Variants in ABLIM1 observed in about 807,000 individuals in gnomAD.
The protein encoded by ABLIM1 is actin-binding LIM protein 1.
In ABLIM1, 40 loss-of-function variants were observed where a neutral mutation model predicts 107.0. The ratio of observed to expected loss-of-function variants is 0.37; its 90% CI spans 0.29 to 0.49. The LOEUF (loss-of-function observed/expected upper bound fraction) is 0.49, where lower values mean the gene tolerates loss of function less well. Among genes scored for constraint, ABLIM1 ranks in the 20% least tolerant of loss-of-function variants. The pLI, the probability that ABLIM1 is intolerant of heterozygous loss-of-function variation, is 0.97. For missense variants in ABLIM1, 857 were observed against 1,008.5 expected (o/e 0.85, Z 2.04); for synonymous variants, 357 against 357.3 (o/e 1.00, Z 0.01).
intron 1 of ABLIM1, among the ~76,000 whole-genome samples, chr10:114,737,562 T>C (rs1446099820): frequency 6.6e-6 from 1 of 152,152 alleles, no homozygotes; most frequent in Non-Finnish European, 1.5e-5. Context: ...TGCCAAGTTC[T>C]TACCCCAACT....
At chr10:114,496,920 T>A (rs2059741670) in intron 6 of ABLIM1, among the ~76,000 whole-genome samples, 1 of 152,128 alleles carries the variant, frequency 6.6e-6, no homozygotes, top group Admixed American at 6.5e-5. Flanking sequence ...GTTTCATTTC[T>A]CCTTACATAG....
intron 2 of ABLIM1, among the ~76,000 whole-genome samples, chr10:114,590,557 G>T (rs1317832339): frequency 6.6e-6 from 1 of 152,166 alleles, no homozygotes; most frequent in Non-Finnish European, 1.5e-5. Flanking sequence ...TCTCACTAAA[G>T]GTTCTGCTAC....
intron 6 of ABLIM1, among the ~76,000 whole-genome samples, chr10:114,518,654 T>C (rs562349459): frequency 1.3e-5 from 2 of 151,894 alleles, no homozygotes; most frequent in Non-Finnish European, 2.9e-5. Context: ...TTCATTTACA[T>C]AGTCTCTAGG....
At chr10:114,604,291 T>A (rs942869399) in intron 1 of ABLIM1, among the ~76,000 whole-genome samples, 8 of 152,254 alleles carry the variant, frequency 5.3e-5, no homozygotes, top group Non-Finnish European at 1.2e-4. Context: ...CCATGCTGTT[T>A]GTATAAATCA....
At chr10:114,643,308 T>A (rs1360797189) in intron 1 of ABLIM1, among the ~76,000 whole-genome samples, 1 of 152,180 alleles carries the variant, frequency 6.6e-6, no homozygotes, top group Admixed American at 6.5e-5. Flanking sequence ...GTGCTGTTGT[T>A]CTCGTGTACA....
At chr10:114,463,498 C>T (rs1367731444) in intron 12 of ABLIM1, among the ~76,000 whole-genome samples, 1 of 151,896 alleles carries the variant, frequency 6.6e-6, no homozygotes, top group Non-Finnish European at 1.5e-5. Context: ...TTTTAAAAAG[C>T]ACCTGACACA....
chr10:114,568,789 T>C (rs757923956), intron 4 of ABLIM1, among the ~76,000 whole-genome samples: 5 of 152,232 alleles, frequency 3.3e-5, no homozygotes, highest in Non-Finnish European at 7.3e-5. Flanking sequence ...AATTTGCACA[T>C]AAGCAATGAT....
the ABLIM1 span, among the ~76,000 whole-genome samples, chr10:114,787,336 C>G: frequency 3.3e-5 from 5 of 151,628 alleles, no homozygotes; most frequent in Admixed American, 6.5e-5. Context: ...CCCCTCCGCC[C>G]GGCAGCCACC....
chr10:114,661,936 A>G (rs2079812231), upstream of ABLIM1, among the ~76,000 whole-genome samples: 1 of 152,196 alleles, frequency 6.6e-6, no homozygotes, highest in Non-Finnish European at 1.5e-5. Context: ...TTGGGGCTAC[A>G]CAGTGCTCGG....
chr10:114,598,985 C>T (rs2075728110), intron 2 of ABLIM1, among the ~76,000 whole-genome samples: 1 of 152,126 alleles, frequency 6.6e-6, no homozygotes, highest in Non-Finnish European at 1.5e-5. Context: ...GCAGTGATGA[C>T]AGTGCTGCTC....
chr10:114,632,910 C>G (rs2140776352), intron 1 of ABLIM1: 2 of 474,834 alleles, frequency 4.2e-6, no homozygotes, highest in Middle Eastern at 1.1e-3. Context: ...CTTTTGATTT[C>G]TGACCCACAG....
chr10:114,792,063 G>A, the ABLIM1 span, among the ~76,000 whole-genome samples: 13 of 152,224 alleles, frequency 8.5e-5, no homozygotes, highest in African/African-American at 2.7e-4. Context: ...GCTCACACCT[G>A]TAATCCCAAC....
chr10:114,517,766 A>G (rs2497707), intron 6 of ABLIM1, among the ~76,000 whole-genome samples: 144,806 of 152,152 alleles, frequency 0.95, 68,978 homozygotes, highest in East Asian at 1. Flanking sequence ...AACCTTCCTC[A>G]TCATGCAAAT....
chr10:114,535,198 C>T (rs2137099006), intron 6 of ABLIM1, among the ~76,000 whole-genome samples: 1 of 152,330 alleles, frequency 6.6e-6, no homozygotes, highest in Non-Finnish European at 1.5e-5. Context: ...AGAGGTTTTA[C>T]ATTCACTAAG....
rs370260479 is a variant in ABLIM1 at position 114,571,223 on chromosome 10, A to G, written c.673+74T>C. 142 of 1,325,954 alleles carry G rather than the reference A, an allele frequency of 1.1e-4. No homozygotes were observed. The African/African-American group carries it at 1.2e-3, about 12-fold the overall frequency. The allele number at this position is 1,325,954 out of a possible 1,614,324, so 82.1% of individuals were successfully genotyped here. A position where few individuals can be genotyped will look rare whatever the true frequency, so the allele number is the denominator to read the frequency against. On this transcript the variant is annotated intron_variant, in intron 4 of 22. Coordinates refer to ENST00000533213, the MANE Select transcript of ABLIM1 (RefSeq NM_002313.7). ...CATTTCCAGCTAACAGCGTTTCTCAAAAAGGAAGGCACCTGCCTGAGCTAC... is the reference window on the plus strand; with the variant it reads ...CATTTCCAGCTAACAGCGTTTCTCAGAAAGGAAGGCACCTGCCTGAGCTAC...
the ABLIM1 span, among the ~76,000 whole-genome samples, chr10:114,799,102 C>T: frequency 2.2e-4 from 33 of 152,240 alleles, no homozygotes; most frequent in Middle Eastern, 3.4e-3. Flanking sequence ...CCAGCCAGTA[C>T]AGTATACATT....
chr10:114,751,747 T>TC, intron 1 of ABLIM1, among the ~76,000 whole-genome samples: 1 of 54,792 alleles, frequency 1.8e-5, no homozygotes, highest in African/African-American at 6.2e-5. Context: ...AGACTCTGTC[T>TC]CAAAAAAAAA....
chr10:114,441,559 C>T (rs1372986938), intron 18 of ABLIM1, among the ~76,000 whole-genome samples, 163 bp downstream of exon 18: 1 of 152,074 alleles, frequency 6.6e-6, no homozygotes. Flanking sequence ...TTTATTTTGC[C>T]TGTAACTCAA....
At chr10:114,566,432 ACCCATGGGAAT>A (rs2070753194) in intron 4 of ABLIM1, among the ~76,000 whole-genome samples, 1 of 152,132 alleles carries the variant, frequency 6.6e-6, no homozygotes, top group Non-Finnish European at 1.5e-5. Flanking sequence ...TCCCTCCTTA[ACCCATGGGAAT>A]CCAGCCCCTC....
Sources: allele counts gnomAD v4.1 joint callset (sites outside exome capture counted in the v4.1 genomes callset), GRCh38; gene constraint gnomAD v4.1.1; transcripts MANE v1.5; gene names NCBI Gene and HGNC (gene_info 2026-07-23, HGNC 2026-07-21).